UTP4: variants seen among roughly 807,000 people sequenced by gnomAD.
UTP4 encodes the protein U3 small nucleolar RNA-associated protein 4 homolog.
A neutral mutation model predicts 82.4 loss-of-function variants in UTP4; 45 were observed. That is an observed-to-expected ratio of 0.55 (90% confidence interval 0.43 to 0.70). The LOEUF is 0.70. UTP4 is among the 30% of genes least tolerant of loss of function. UTP4 has a pLI of 0.00. For synonymous variants in UTP4, 348 were observed against 300.3 expected (o/e 1.16, Z -1.64); for missense variants, 819 against 858.3 (o/e 0.95, Z 0.57).
chr16:69,148,118 G>A (rs1228968680), intron 6 of UTP4, among the ~76,000 whole-genome samples: 1 of 151,982 alleles, frequency 6.6e-6, no homozygotes, highest in Non-Finnish European at 1.5e-5. Flanking sequence ...ACCACACCCG[G>A]CTAATTTTTT....
At chr16:69,158,161 C>CTCTTTT (rs1963469208) in intron 12 of UTP4, among the ~76,000 whole-genome samples, 1 of 40,422 alleles carries the variant, frequency 2.5e-5, no homozygotes, top group African/African-American at 1.0e-4. Context: ...AAAGTCAACT[C>CTCTTTT]TTTTTTTTTT....
chr16:69,159,486 G>A (rs1963509130), intron 12 of UTP4, among the ~76,000 whole-genome samples: 1 of 152,030 alleles, frequency 6.6e-6, no homozygotes, highest in African/African-American at 2.4e-5. Flanking sequence ...TCAAGAGATC[G>A]AGACCATGCT....
At position 69,139,921 on chromosome 16, in the gene UTP4, G is replaced by T. The variant is rs1567601181; in HGVS notation, c.526+7G>T. On this transcript the variant is annotated splice_region_variant and intron_variant, in intron 5 of 16. Coordinates refer to ENST00000314423, the MANE Select transcript of UTP4 (RefSeq NM_032830.3). Reference sequence around the variant, plus strand: ...GTGTTTGATGTCAAATCAGGTGATTGTTTTTTTCAGTTCATTTGGGGTGTG... The same window carrying T: ...GTGTTTGATGTCAAATCAGGTGATTTTTTTTTTCAGTTCATTTGGGGTGTG... 5.0e-6 allele frequency: 8 copies of T among 1,591,182 alleles called. No individual in the cohort carries two copies. The highest frequency in any genetic ancestry group is 6.9e-6 in the Non-Finnish European group (8 of 1,159,266).
intron 8 of UTP4, among the ~76,000 whole-genome samples, chr16:69,152,564 G>A (rs145252678): frequency 0.018 from 2,711 of 150,862 alleles, 86 homozygotes; most frequent in African/African-American, 0.063. Context: ...CAGTCTCCTG[G>A]GTTCAAGCGA....
At chr16:69,154,155 GGCTATGGACTAGA>G (rs1191857404) in intron 9 of UTP4, among the ~76,000 whole-genome samples, 2 of 152,078 alleles carry the variant, frequency 1.3e-5, no homozygotes, top group Admixed American at 1.3e-4. Context: ...CTGTGTCCCT[GGCTATGGACTAGA>G]GCTTCAGGGA....
At chr16:69,168,541 C>T (rs955509824) in intron 16 of UTP4, among the ~76,000 whole-genome samples, 1 of 151,970 alleles carries the variant, frequency 6.6e-6, no homozygotes, top group Admixed American at 6.6e-5. Flanking sequence ...GATGATTGCC[C>T]AGGAGTTCAG....
At chr16:69,156,123 T>C (rs1334943234) in intron 11 of UTP4, 130 bp downstream of exon 11, 1 of 933,206 alleles carries the variant, frequency 1.1e-6, no homozygotes, top group Admixed American at 2.2e-5. Context: ...TGGAGAAGGC[T>C]GTTATGAAAC....
At chr16:69,136,982 T>C (rs1962830258) in intron 3 of UTP4, 95 bp downstream of exon 3, 1 of 1,031,040 alleles carries the variant, frequency 9.7e-7, no homozygotes, top group Admixed American at 1.7e-5. Context: ...CGATATATTA[T>C]GGCATGTGGC....
intron 6 of UTP4, among the ~76,000 whole-genome samples, chr16:69,150,320 C>T (rs918295325): frequency 4.6e-5 from 7 of 152,066 alleles, no homozygotes; most frequent in Non-Finnish European, 8.8e-5. Flanking sequence ...GTACTGTAGA[C>T]GTTAATTTTG....
intron 3 of UTP4, among the ~76,000 whole-genome samples, chr16:69,137,245 C>T (rs750919809): frequency 6.6e-6 from 1 of 152,162 alleles, no homozygotes; most frequent in Non-Finnish European, 1.5e-5. Flanking sequence ...CAATGCACAT[C>T]GGTACATGAA....
At chr16:69,148,285 C>T (rs1386650178) in intron 6 of UTP4, among the ~76,000 whole-genome samples, 3 of 150,910 alleles carry the variant, frequency 2.0e-5, no homozygotes, top group South Asian at 2.1e-4. Flanking sequence ...TTAATAGAGA[C>T]GGGGTTTCAT....
chr16:69,155,831 A>G (rs765036480), intron 10 of UTP4, 40 bp from the exon 11 acceptor site: 2 of 1,613,698 alleles, frequency 1.2e-6, no homozygotes, highest in Middle Eastern at 1.7e-4. Context: ...TGTTATGTGA[A>G]GTTTAATTGC....
rs142180446 is a variant in UTP4, at chr16:69,153,951, G to A, written c.1099+271G>A. ...TAAGGGTTGAAGAATCGTAGTTTGC[G>A]CTAGCTTAACTGAGGTGAAAACAGG... On this transcript the variant is annotated intron_variant, in intron 9 of 16. Coordinates refer to ENST00000314423, the MANE Select transcript of UTP4 (RefSeq NM_032830.3). Among the ~76,000 whole-genome samples the A allele has an allele frequency of 7.6e-3, 1,163 of 152,142 alleles. 17 individuals carry two copies. The highest frequency in any genetic ancestry group is 0.025 in the African/African-American group (1,045 of 41,486).
chr16:69,137,996 T>G (rs1285633758), intron 4 of UTP4, 111 bp downstream of exon 4: 1 of 759,318 alleles, frequency 1.3e-6, no homozygotes, highest in African/African-American at 1.7e-5. Flanking sequence ...TTATCTCTAC[T>G]GGGTACAGGG....
chr16:69,136,998 C>T, intron 3 of UTP4, 111 bp downstream of exon 3: 1 of 912,856 alleles, frequency 1.1e-6, no homozygotes, highest in Non-Finnish European at 1.8e-6. Flanking sequence ...GTGGCAACCC[C>T]AACTATAAGA....
intron 6 of UTP4, among the ~76,000 whole-genome samples, chr16:69,149,707 CTT>C (rs534033030): frequency 6.6e-6 from 1 of 151,876 alleles, no homozygotes; most frequent in Non-Finnish European, 1.5e-5. Context: ...ATTTAAGAAA[CTT>C]TTTTATTGGT....
intron 6 of UTP4, among the ~76,000 whole-genome samples, chr16:69,145,499 A>G (rs1963085406): frequency 1.3e-5 from 2 of 151,754 alleles, no homozygotes; most frequent in South Asian, 4.2e-4. Context: ...GTGATCCACC[A>G]GCCTCGGCCT....
At chr16:69,150,447 C>A in intron 6 of UTP4, 90 bp from the exon 7 acceptor site, 1 of 1,426,774 alleles carries the variant, frequency 7.0e-7, no homozygotes, top group Non-Finnish European at 9.9e-7. Flanking sequence ...AGGTTTACCC[C>A]TAAGCTGCTG....
intron 11 of UTP4, among the ~76,000 whole-genome samples, chr16:69,156,462 C>G (rs1191800304): frequency 3.5e-5 from 5 of 142,638 alleles, no homozygotes; most frequent in Non-Finnish European, 7.6e-5. Flanking sequence ...CCGCACCCAG[C>G]CTTTTTTTTT....
Sources: allele counts gnomAD v4.1 joint callset (sites outside exome capture counted in the v4.1 genomes callset), GRCh38; gene constraint gnomAD v4.1.1; transcripts MANE v1.5; gene names NCBI Gene and HGNC (gene_info 2026-07-23, HGNC 2026-07-21).